LRRC45: variants seen among roughly 807,000 people sequenced by gnomAD.
LRRC45 encodes leucine rich repeat containing 45.
LRRC45 carries 73 observed loss-of-function variants against 85.4 expected under a neutral mutation model. The observed-to-expected ratio is 0.85, with a 90% CI of 0.71 to 1.04. The LOEUF (loss-of-function observed/expected upper bound fraction) is 1.04, where lower values mean the gene tolerates loss of function less well. Among genes scored for constraint, LRRC45 ranks in the 50% least tolerant of loss-of-function variants. The pLI is 0.00. For synonymous variants in LRRC45, 429 were observed against 386.0 expected, an observed-to-expected ratio of 1.11 and a Z score of -1.31; for missense variants, 937 against 883.3, an observed-to-expected ratio of 1.06 and a Z score of -0.77.
In LRRC45 at chr17:82,031,082, TCA is replaced by T. The variant is rs1300996844; in HGVS notation, c.*279_*280del. 1 of 375,376 alleles carries T rather than the reference TCA, an allele frequency of 2.7e-6. No individual in the cohort carries two copies. The highest frequency in any genetic ancestry group is 4.6e-5 in the Admixed American group (1 of 21,834). 23.3% of individuals were successfully genotyped at this position (375,376 alleles called of 1,614,324 possible). On this transcript the variant is annotated 3_prime_UTR_variant, in exon 17 of 17. Coordinates refer to ENST00000306688, the MANE Select transcript of LRRC45 (RefSeq NM_144999.4). The stretch of plus-strand genomic sequence containing the variant: ...CGTCTCCCCCTCGCCTTTTGCGATG[TCA>T]CCGTGAACGCTGCGGCCGCCTGCGC...
At chr17:82,028,348 G>A (rs2043386877) in intron 10 of LRRC45, 37 bp downstream of exon 10, 1 of 1,605,860 alleles carries the variant, frequency 6.2e-7, no homozygotes, top group Non-Finnish European at 8.5e-7. Flanking sequence ...GCCCAGGGTG[G>A]GCGCGGCAGG....
chr17:82,026,230 C>G (rs1390692787), intron 5 of LRRC45, among the ~76,000 whole-genome samples: 1 of 152,254 alleles, frequency 6.6e-6, no homozygotes, highest in Non-Finnish European at 1.5e-5. Context: ...CAGAACTGAG[C>G]TGGGCACAGC....
Position 82,026,964 on chromosome 17 carries a change from G to A in LRRC45, c.727G>A (p.Val243Ile), listed in dbSNP as rs372389389. 8.3e-5 allele frequency: 134 copies of A among 1,607,690 alleles called. No individual in the cohort carries two copies. The highest frequency in any genetic ancestry group is 9.4e-5 in the Non-Finnish European group (111 of 1,178,768). ...TFQENQARTH[V>I]LSKEVQHLRE... Reference sequence around the variant, plus strand: ...CCAGGAGAACCAAGCCCGCACTCACGTCCTCAGCAAGGAGGTCCAGCACCT... The same window carrying A: ...CCAGGAGAACCAAGCCCGCACTCACATCCTCAGCAAGGAGGTCCAGCACCT... Residue 243 changes from valine (V) to isoleucine (I), a missense_variant, in exon 6 of 17, where the codon GTC (valine) becomes ATC (isoleucine). Physicochemically the swap from Val to Ile is conservative, Grantham distance 29. Transcript: ENST00000306688.
At position 82,025,477 on chromosome 17, in the gene LRRC45, A is replaced by G; in HGVS notation, c.631A>G (p.Asn211Asp). 6.2e-7 allele frequency: 1 copy of G among 1,609,174 alleles called. No homozygotes were observed. The change falls in exon 5 of 17, where the codon AAC becomes GAC. Residue 211 changes from asparagine to aspartate, a missense_variant. By Grantham distance (23) the Asn-to-Asp change is conservative. Coordinates refer to ENST00000306688, the MANE Select transcript of LRRC45 (RefSeq NM_144999.4). ...GTGGAGACTGGACCTGGCTGGGAAC[A>G]ACATCCCTGGAGACGTCCTCAGAGC... ...TLWRLDLAGNNIPGDVLRAVE... is the reference protein window; with the variant it reads ...TLWRLDLAGNDIPGDVLRAVE...
At chr17:82,026,576 G>GTGTGTGTGTA (rs1425926323) in intron 5 of LRRC45, among the ~76,000 whole-genome samples, 8 of 149,832 alleles carry the variant, frequency 5.3e-5, no homozygotes, top group Non-Finnish European at 1.0e-4. Context: ...GTGTGTGTGT[G>GTGTGTGTGTA]TGTGTGTGTG....
In LRRC45 at chr17:82,029,202, C is replaced by G. The variant is rs553937917; in HGVS notation, c.1401+17C>G. On this transcript the variant is annotated intron_variant, in intron 13 of 16. Transcript: ENST00000306688. ...CTGGAGGAGGTGAGTGCCCACCAGG[C>G]AGGGCCAAGCTCTGCCTTAGTCCTG... 11 of 1,604,808 alleles carry G rather than the reference C, an allele frequency of 6.9e-6. No homozygotes were observed. The East Asian group carries it at 2.5e-4, about 36-fold the overall frequency.
In LRRC45 at chr17:82,023,743, C is replaced by G. The variant is rs368576582; in HGVS notation, c.100C>G (p.Arg34Gly). 6.4e-7 allele frequency: 1 copy of G among 1,552,348 alleles called. No homozygotes were observed. The highest frequency in any genetic ancestry group is 8.7e-7 in the Non-Finnish European group (1 of 1,152,286). Reference sequence around the variant, plus strand: ...GCAGCTGCACCAGCTTCCCAGGGGCCGGCTGGACCTGGCCACGCAAAGCCT... The same window carrying G: ...GCAGCTGCACCAGCTTCCCAGGGGCGGGCTGGACCTGGCCACGCAAAGCCT... ...LQQLHQLPRG[R>G]LDLATQSLTV... The change falls in exon 1 of 17, where the codon CGG becomes GGG. Residue 34 changes from arginine to glycine, a missense_variant. Arg to Gly is a moderately radical substitution (Grantham distance 125, BLOSUM62 -2). Coordinates refer to ENST00000306688, the MANE Select transcript of LRRC45 (RefSeq NM_144999.4).
rs370597774 is a variant in LRRC45, at chr17:82,030,573, G to A, written c.1817-36G>A. The A allele has an allele frequency of 9.6e-6, 14 of 1,465,344 alleles. No individual in the cohort carries two copies. In the African/African-American group the frequency reaches 1.8e-4, roughly 19 times the overall value. The allele number at this position is 1,465,344 out of a possible 1,614,324, so 90.8% of individuals were successfully genotyped here. ...GCTGAGGCCGTGCCACGGTGCGCTG[G>A]GGCTGCGTCCGCTCACTGCGCTCCT... On this transcript the variant is annotated intron_variant, in intron 16 of 16. Transcript: ENST00000306688.
rs753351989 is a variant in LRRC45, at chr17:82,028,686, G to A, written c.1308+3G>A. The A allele has an allele frequency of 1.2e-6, 2 of 1,610,914 alleles. No homozygotes were observed. The highest frequency in any genetic ancestry group is 2.2e-5 in the South Asian group (2 of 90,712). Reference sequence around the variant, plus strand: ...CCGAAAGCCTGCGCATCAAGGAGGTGCCCTCTTCGTTGGCCTCTAATGCGC... The same window carrying A: ...CCGAAAGCCTGCGCATCAAGGAGGTACCCTCTTCGTTGGCCTCTAATGCGC... On this transcript the variant is annotated splice_donor_region_variant and intron_variant, in intron 12 of 16. Transcript: ENST00000306688.
chr17:82,023,882 G>A lies in LRRC45; in HGVS notation c.220+19G>A. 1 of 1,544,732 alleles carries A rather than the reference G, an allele frequency of 6.5e-7. No homozygotes were observed. The highest frequency in any genetic ancestry group is 8.7e-7 in the Non-Finnish European group (1 of 1,146,420). ...GAGGAAGGTGGGCAGGCGCGGCGGGGTGGATCCCTCTGCTCCTTAGCTGCC... is the reference window on the plus strand; with the variant it reads ...GAGGAAGGTGGGCAGGCGCGGCGGGATGGATCCCTCTGCTCCTTAGCTGCC... On this transcript the variant is annotated intron_variant, in intron 1 of 16. Coordinates refer to ENST00000306688, the MANE Select transcript of LRRC45 (RefSeq NM_144999.4).
In LRRC45 at chr17:82,024,779, G is replaced by A. The variant is rs777498370; in HGVS notation, c.353+16G>A. ...CCATTCAGAGGTGGGTGGTGGTCCC[G>A]ACCCCAGGCCCTGTCTCTGTGTGGT... On this transcript the variant is annotated intron_variant, in intron 3 of 16. Transcript: ENST00000306688. 3.8e-6 allele frequency: 6 copies of A among 1,569,968 alleles called. No individual in the cohort carries two copies. Among genetic ancestry groups the A allele is most frequent in the African/African-American group, 2.8e-5 (2 of 72,530 alleles).
chr17:82,029,990 G>A (rs964095828), intron 14 of LRRC45, 75 bp from the exon 15 acceptor site: 9 of 1,440,582 alleles, frequency 6.2e-6, no homozygotes, highest in Middle Eastern at 2.5e-4. Flanking sequence ...AGGTGGGGTC[G>A]TGCCCGTGCA....
At position 82,023,618 on chromosome 17, in the gene LRRC45, A is replaced by AG. The variant is rs1337914077; in HGVS notation, c.-24dup. The AG allele has an allele frequency of 1.3e-6, 2 of 1,504,704 alleles. No individual in the cohort carries two copies. The highest frequency in any genetic ancestry group is 2.8e-5 in the African/African-American group (2 of 72,374). 93.2% of individuals were successfully genotyped at this position (1,504,704 alleles called of 1,614,324 possible). A position where few individuals can be genotyped will look rare whatever the true frequency, so the allele number is the denominator to read the frequency against. On this transcript the variant is annotated 5_prime_UTR_variant, in exon 1 of 17. Transcript: ENST00000306688. The stretch of plus-strand genomic sequence containing the variant: ...TTTCAGCAGCTGCGGGAGCATGCGG[A>AG]GGAGGCCCTGCCGGCCCCGCGGGTC...
At chr17:82,029,322 A>C (rs4969461) in intron 13 of LRRC45, 137 bp downstream of exon 13, 2 of 961,920 alleles carry the variant, frequency 2.1e-6, no homozygotes. Flanking sequence ...TTGGGGACCC[A>C]CCCACCAGTG....
chr17:82,029,197 C>T lies in LRRC45; in HGVS notation c.1401+12C>T. Reference sequence around the variant, plus strand: ...TGTCCCTGGAGGAGGTGAGTGCCCACCAGGCAGGGCCAAGCTCTGCCTTAG... The same window carrying T: ...TGTCCCTGGAGGAGGTGAGTGCCCATCAGGCAGGGCCAAGCTCTGCCTTAG... On this transcript the variant is annotated intron_variant, in intron 13 of 16. Transcript: ENST00000306688. The T allele has an allele frequency of 6.2e-7, 1 of 1,606,074 alleles. No individual in the cohort carries two copies. Among genetic ancestry groups the T allele is most frequent in the Non-Finnish European group, 8.5e-7 (1 of 1,177,846 alleles).
intron 7 of LRRC45, 28 bp from the exon 8 acceptor site, chr17:82,027,646 C>T: frequency 6.2e-7 from 1 of 1,603,104 alleles, no homozygotes; most frequent in Middle Eastern, 1.7e-4. Flanking sequence ...GTTTGGGTTA[C>T]TCTCTGCACC....
rs374049967 is a variant in LRRC45 at position 82,024,289 on chromosome 17, C to T, written c.232C>T (p.Leu78=). 23 of 1,612,138 alleles carry T rather than the reference C, an allele frequency of 1.4e-5. No homozygotes were observed. The African/African-American group carries it at 2.9e-4, about 21-fold the overall frequency. Residue 78 remains leucine (L), a synonymous_variant, in exon 2 of 17, where the codon CTG becomes TTG. Transcript: ENST00000306688. ...CCCCCCTTACACAGGGGCCACACTG[C>T]TGCTCCGAGGCCTGTGTGCCAACAC... The part of the protein sequence containing the change: ...CMLSEEGATL[L]LRGLCANTVL...
rs550219000 is a variant in LRRC45 at position 82,028,053 on chromosome 17, G to A, written c.954G>A (p.Lys318=). The change falls in exon 9 of 17, where the codon AAG becomes AAA. Residue 318 remains lysine (K), a synonymous_variant. Transcript: ENST00000306688. ...CCGCCCTGGCTCTGTCGGAGCAGAA[G>A]GCCCAGGACCTGGGGGAGCTCCTGG... The part of the protein sequence containing the change: ...TEAALALSEQ[K]AQDLGELLAT... 6.2e-7 allele frequency: 1 copy of A among 1,605,632 alleles called. No individual in the cohort carries two copies. Among genetic ancestry groups the A allele is most frequent in the Non-Finnish European group, 8.5e-7 (1 of 1,177,584 alleles).
Position 82,023,488 on chromosome 17 carries a change from G to C in LRRC45, c.-156G>C. ...ACTACCGCCCAGCCCCGCGCTCCCA[G>C]GACCTCCCGCCCGCGGAGCCCACTC... On this transcript the variant is annotated 5_prime_UTR_variant, in exon 1 of 17. Transcript: ENST00000306688. 1.5e-6 allele frequency: 1 copy of C among 658,128 alleles called. No individual in the cohort carries two copies. Among genetic ancestry groups the C allele is most frequent in the Non-Finnish European group, 2.5e-6 (1 of 401,382 alleles). The allele number at this position is 658,128 out of a possible 1,614,324, so 40.8% of individuals were successfully genotyped here.
Sources: allele counts gnomAD v4.1 joint callset (sites outside exome capture counted in the v4.1 genomes callset), GRCh38; gene constraint gnomAD v4.1.1; transcripts MANE v1.5; gene names NCBI Gene and HGNC (gene_info 2026-07-23, HGNC 2026-07-21).